ARHGAP17: variants seen among roughly 807,000 people sequenced by gnomAD.
ARHGAP17 encodes Rho GTPase activating protein 17.
Under a neutral mutation model 99.5 loss-of-function variants are expected in ARHGAP17, and 57 were observed. That is an observed-to-expected ratio of 0.57 (90% CI 0.46 to 0.71). The LOEUF (loss-of-function observed/expected upper bound fraction) is 0.71. Ranked by LOEUF, ARHGAP17 falls within the 30% of genes least tolerant of loss-of-function variation. ARHGAP17 has a pLI of 0.00. For missense variants in ARHGAP17, 1,000 were observed against 1,122.4 expected, an observed-to-expected ratio of 0.89 and a Z score of 1.56; for synonymous variants, 417 against 429.6, an observed-to-expected ratio of 0.97 and a Z score of 0.36.
chr16:25,013,749 C>G (rs970988485), intron 1 of ARHGAP17: 1 of 152,130 alleles, frequency 6.6e-6, no homozygotes, highest in Non-Finnish European at 1.5e-5. Context: ...TTACCTGTCA[C>G]GAACAATGTA....
chr16:24,976,776 G>C (rs754592800), intron 3 of ARHGAP17, among the ~76,000 whole-genome samples: 4 of 152,180 alleles, frequency 2.6e-5, no homozygotes, highest in African/African-American at 7.2e-5. Flanking sequence ...GCACAGGAGA[G>C]AGAAGGAAAG....
At chr16:24,990,960 A>G (rs1237241958) in intron 1 of ARHGAP17, among the ~76,000 whole-genome samples, 3 of 152,126 alleles carry the variant, frequency 2.0e-5, no homozygotes, top group Non-Finnish European at 4.4e-5. Context: ...CCTAGGCCAT[A>G]AACACATTTC....
At position 24,941,998 on chromosome 16, in the gene ARHGAP17, C is replaced by T; in HGVS notation, c.1479G>A (p.Val493=). 6.2e-7 allele frequency: 1 copy of T among 1,613,988 alleles called. No homozygotes were observed. The highest frequency in any genetic ancestry group is 1.1e-5 in the South Asian group (1 of 91,074). Residue 493 remains valine (V), a synonymous_variant, in exon 16 of 20, where the codon GTG becomes GTA. Transcript: ENST00000289968. ...CGGTCAAATCATACCTTTCCTTCTT[C>T]ACCAAGTCTCCTTCCATCACCGCCA... is the stretch of plus-strand genomic sequence containing the variant. ...ASMAVMEGDL[V]KKESFGVKLM...
chr16:25,001,222 G>T (rs146917841), intron 1 of ARHGAP17, among the ~76,000 whole-genome samples: 1 of 152,004 alleles, frequency 6.6e-6, no homozygotes, highest in Non-Finnish European at 1.5e-5. Flanking sequence ...AAAATGATCA[G>T]TTGCATAGTT....
chr16:24,959,814 A>G (rs1226085897), intron 8 of ARHGAP17, 62 bp from the exon 9 acceptor site: 20 of 1,602,670 alleles, frequency 1.2e-5, no homozygotes, highest in Non-Finnish European at 1.7e-5. Flanking sequence ...CACACACACA[A>G]TGGCTGAGCA....
chr16:24,945,237 A>C (rs73555442), intron 14 of ARHGAP17, among the ~76,000 whole-genome samples: 27,218 of 151,268 alleles, frequency 0.18, 7,617 homozygotes, highest in African/African-American at 0.6. Context: ...GTTGGAGGAT[A>C]GCCTGAGCCC....
At chr16:24,926,632 T>G (rs1342804467) in intron 19 of ARHGAP17, among the ~76,000 whole-genome samples, 1 of 152,242 alleles carries the variant, frequency 6.6e-6, no homozygotes, top group Admixed American at 6.5e-5. Flanking sequence ...GCAAACACTA[T>G]GAAATTAGCC....
intron 12 of ARHGAP17, among the ~76,000 whole-genome samples, chr16:24,951,963 G>T (rs956424274): frequency 6.6e-6 from 1 of 152,170 alleles, no homozygotes; most frequent in Non-Finnish European, 1.5e-5. Context: ...CCACGGGTCA[G>T]TATGACCCCT....
intron 1 of ARHGAP17, among the ~76,000 whole-genome samples, chr16:24,982,981 TATATATATATATA>T (rs1207120627): frequency 3.9e-4 from 4 of 10,236 alleles, no homozygotes; most frequent in African/African-American, 1.2e-3. Context: ...TATATATATA[TATATATATATATA>T]TATTTTTTTT....
chr16:25,015,264 C>CGGCGGT lies in ARHGAP17; in HGVS notation c.-9_-4dup, dbSNP rs1236875337. On this transcript the variant is annotated 5_prime_UTR_variant, in exon 1 of 20. Transcript: ENST00000289968. ...ATGCGGTTGAACTGCTTCTTCATGG[C>CGGCGGT]GGCGGTGGCGGCGGCGGCCCGCGGG... 3 of 1,340,276 alleles carry CGGCGGT rather than the reference C, an allele frequency of 2.2e-6. No homozygotes were observed. The highest frequency in any genetic ancestry group is 3.2e-5 in the East Asian group (1 of 31,204). 83.0% of individuals were successfully genotyped at this position (1,340,276 alleles called of 1,614,324 possible).
At position 24,959,680 on chromosome 16, in the gene ARHGAP17, C is replaced by T. The variant is rs905712414; in HGVS notation, c.715G>A (p.Ala239Thr). 1 of 1,614,012 alleles carries T rather than the reference C, an allele frequency of 6.2e-7. No homozygotes were observed. The highest frequency in any genetic ancestry group is 1.1e-5 in the South Asian group (1 of 91,052). ...ACGCGGGTTACATTACCTTGATGGG[C>T]TCGCATTTCGGGGAGGGTCTTTTCT... ...VLEKTLPEMR[A>T]HQDKWAEKPA... is the part of the protein sequence containing the mutation. The change falls in exon 9 of 20, where the codon GCC becomes ACC. Residue 239 changes from alanine to threonine, a missense_variant. This residue lies in a region of ARHGAP17 where 472 missense variants were observed against 611.1 expected (regional missense o/e 0.77). Coordinates refer to ENST00000289968, the MANE Select transcript of ARHGAP17 (RefSeq NM_001006634.3).
At chr16:24,950,842 A>AAAAAAAAAG (rs2051616338) in intron 12 of ARHGAP17, among the ~76,000 whole-genome samples, 5 of 150,534 alleles carry the variant, frequency 3.3e-5, no homozygotes, top group African/African-American at 1.2e-4. Flanking sequence ...AACTCAAAAA[A>AAAAAAAAAG]AAAAAAAAAA....
rs1331441266 is a variant in ARHGAP17, at chr16:24,939,424, C to T, written c.1664G>A (p.Gly555Asp). The change falls in exon 17 of 20, where the codon GGT (glycine) becomes GAT (aspartate). Residue 555 changes from glycine (G) to aspartate (D), a missense_variant. Coordinates refer to ENST00000289968, the MANE Select transcript of ARHGAP17 (RefSeq NM_001006634.3). The part of the protein sequence containing the change: ...QSSRAESSSG[G>D]GTVPSSAGIL... ...GCCCGCGGAAGAGGGGACAGTCCCA[C>T]CCCCAGAGCTGCTTTCAGCCCTAGA... The T allele has an allele frequency of 6.2e-7, 1 of 1,611,742 alleles. No homozygotes were observed. The highest frequency in any genetic ancestry group is 8.5e-7 in the Non-Finnish European group (1 of 1,179,858).
chr16:24,960,995 C>T (rs1419458911), intron 7 of ARHGAP17, among the ~76,000 whole-genome samples: 3 of 151,988 alleles, frequency 2.0e-5, no homozygotes, highest in African/African-American at 7.3e-5. Flanking sequence ...TCTCAGCCAC[C>T]CTAGTAGCTG....
intron 16 of ARHGAP17, 123 bp downstream of exon 16, chr16:24,941,864 G>T: frequency 7.5e-7 from 1 of 1,333,916 alleles, no homozygotes; most frequent in Non-Finnish European, 1.1e-6. Flanking sequence ...AAACTATCTG[G>T]ACACCATCAG....
chr16:24,928,579 A>C (rs1031332214), intron 19 of ARHGAP17, among the ~76,000 whole-genome samples: 1 of 152,174 alleles, frequency 6.6e-6, no homozygotes, highest in African/African-American at 2.4e-5. Flanking sequence ...CAAGCATGAA[A>C]TTGTGGAATC....
intron 2 of ARHGAP17, among the ~76,000 whole-genome samples, chr16:24,978,673 C>T (rs2052586327): frequency 2.6e-5 from 4 of 152,106 alleles, no homozygotes; most frequent in Admixed American, 2.6e-4. Context: ...TAAGGCCTTT[C>T]CCTCAGTTTA....
At chr16:24,984,711 A>G (rs1398592563) in intron 1 of ARHGAP17, among the ~76,000 whole-genome samples, 1 of 152,160 alleles carries the variant, frequency 6.6e-6, no homozygotes, top group Admixed American at 6.6e-5. Flanking sequence ...TGTCTATCAC[A>G]TCTTTGGGAA....
intron 1 of ARHGAP17, among the ~76,000 whole-genome samples, chr16:25,003,946 C>T (rs2053440832): frequency 6.6e-6 from 1 of 152,062 alleles, no homozygotes; most frequent in African/African-American, 2.4e-5. Context: ...AATCACTACC[C>T]AAGTGATTTG....
Sources: allele counts gnomAD v4.1 joint callset (sites outside exome capture counted in the v4.1 genomes callset), GRCh38; gene constraint gnomAD v4.1.1; regional missense constraint gnomAD v4.1.1; transcripts MANE v1.5; gene names NCBI Gene and HGNC (gene_info 2026-07-23, HGNC 2026-07-21).